ADGRB3: variants seen among roughly 807,000 people sequenced by gnomAD.
ADGRB3 encodes the protein brain-specific angiogenesis inhibitor 3.
A neutral mutation model predicts 193.4 loss-of-function variants in ADGRB3; 37 were observed. That is an observed-to-expected ratio of 0.19 (90% CI 0.15 to 0.25). ADGRB3 has a LOEUF of 0.25. Among genes scored for constraint, ADGRB3 ranks in the 10% least tolerant of loss-of-function variants. ADGRB3 has a pLI of 1.00. For missense variants in ADGRB3, 1,637 were observed against 1,852.9 expected (o/e 0.88, Z 2.14); for synonymous variants, 690 against 644.2 (o/e 1.07, Z -1.08).
intron 3 of ADGRB3, among the ~76,000 whole-genome samples, chr6:68,810,536 T>G (rs892356015): frequency 6.6e-6 from 1 of 152,202 alleles, no homozygotes; most frequent in African/African-American, 2.4e-5. Context: ...TGTCAGTAAC[T>G]TCTTTGAATC....
At chr6:68,744,874 C>T (rs1230791880) in intron 3 of ADGRB3, among the ~76,000 whole-genome samples, 3 of 151,984 alleles carry the variant, frequency 2.0e-5, no homozygotes, top group Middle Eastern at 3.2e-3. Context: ...TACCCCAGAA[C>T]TTGAAGTATA....
intron 3 of ADGRB3, among the ~76,000 whole-genome samples, chr6:68,869,848 G>A (rs1435530074): frequency 1.3e-5 from 2 of 152,144 alleles, no homozygotes; most frequent in Non-Finnish European, 2.9e-5. Flanking sequence ...GCACAATCTT[G>A]GCTTGCTGCA....
chr6:68,654,338 G>A (rs1768442252), intron 3 of ADGRB3, among the ~76,000 whole-genome samples: 1 of 151,954 alleles, frequency 6.6e-6, no homozygotes, highest in Non-Finnish European at 1.5e-5. Context: ...CTACGTGGCT[G>A]TGCCTTCCAT....
chr6:68,927,400 A>G (rs915885007), intron 3 of ADGRB3, among the ~76,000 whole-genome samples: 1 of 152,148 alleles, frequency 6.6e-6, no homozygotes, highest in Non-Finnish European at 1.5e-5. Flanking sequence ...CACATTCACC[A>G]CATAAAATAA....
At chr6:69,019,519 C>G (rs1164575407) in intron 13 of ADGRB3, among the ~76,000 whole-genome samples, 3 of 151,944 alleles carry the variant, frequency 2.0e-5, no homozygotes, top group African/African-American at 7.2e-5. Flanking sequence ...CCTGCAGAGA[C>G]TGATTTTATC....
intron 15 of ADGRB3, among the ~76,000 whole-genome samples, 182 bp from the exon 16 acceptor site, chr6:69,062,752 G>T (rs987725537): frequency 6.6e-6 from 1 of 151,822 alleles, no homozygotes; most frequent in African/African-American, 2.4e-5. Context: ...TTCTCCCTAA[G>T]TTTTCTGTTC....
At chr6:69,362,292 C>A (rs1401593661) in intron 29 of ADGRB3, among the ~76,000 whole-genome samples, 1 of 151,884 alleles carries the variant, frequency 6.6e-6, no homozygotes, top group African/African-American at 2.4e-5. Context: ...GCAATACATG[C>A]ATACTTTTAT....
intron 3 of ADGRB3, among the ~76,000 whole-genome samples, chr6:68,880,538 C>T (rs13201645): frequency 0.044 from 6,657 of 152,258 alleles, 184 homozygotes; most frequent in Middle Eastern, 0.088. Context: ...CCTATTCAAG[C>T]TTGCTGGATG....
At chr6:69,004,388 T>G (rs1358830987) in intron 11 of ADGRB3, among the ~76,000 whole-genome samples, 1 of 152,068 alleles carries the variant, frequency 6.6e-6, no homozygotes, top group Non-Finnish European at 1.5e-5. Flanking sequence ...TCTCTGTGTG[T>G]TCTAATATCC....
intron 11 of ADGRB3, among the ~76,000 whole-genome samples, chr6:69,003,383 A>G (rs549483868): frequency 6.6e-6 from 1 of 152,258 alleles, no homozygotes; most frequent in Non-Finnish European, 1.5e-5. Flanking sequence ...CAGGGAATGT[A>G]TCAGGGAAAA....
At chr6:68,883,308 CT>C (rs1765787443) in intron 3 of ADGRB3, among the ~76,000 whole-genome samples, 2 of 151,474 alleles carry the variant, frequency 1.3e-5, no homozygotes, top group South Asian at 4.1e-4. Flanking sequence ...AATCAGCTCT[CT>C]GTAAAATGGA....
At chr6:69,006,738 C>T (rs760184015) in intron 11 of ADGRB3, among the ~76,000 whole-genome samples, 7 of 151,922 alleles carry the variant, frequency 4.6e-5, no homozygotes, top group Non-Finnish European at 1.0e-4. Context: ...GAACTCCTGA[C>T]CTCAGGAGAT....
Position 69,233,411 on chromosome 6 carries a change from G to T in ADGRB3, c.2602G>T (p.Glu868Ter). 6.2e-7 allele frequency: 1 copy of T among 1,613,936 alleles called. No individual in the cohort carries two copies. The highest frequency in any genetic ancestry group is 8.5e-7 in the Non-Finnish European group (1 of 1,179,944). Reference protein sequence around the residue: ...TFAILAQQPREIIMESSGTPS... With the variant: ...TFAILAQQPR ...CGCCATTTTGGCTCAGCAACCTAGAGAAATAGTAAGTAACAAAGGGAAAAC... is the reference window on the plus strand; with the variant it reads ...CGCCATTTTGGCTCAGCAACCTAGATAAATAGTAAGTAACAAAGGGAAAAC... The change falls in exon 18 of 32, where the codon GAA becomes TAA. Residue 868 changes from glutamate to a stop codon, truncating the protein, a stop_gained. Transcript: ENST00000370598. LOFTEE classifies it high-confidence loss of function.
intron 3 of ADGRB3, among the ~76,000 whole-genome samples, chr6:68,866,554 A>G (rs1765302576): frequency 6.6e-6 from 1 of 152,236 alleles, no homozygotes; most frequent in African/African-American, 2.4e-5. Flanking sequence ...TGTGGAAGCG[A>G]CTTTGGAACT....
At chr6:69,039,265 AC>A (rs1334542719) in intron 13 of ADGRB3, among the ~76,000 whole-genome samples, 5 of 150,030 alleles carry the variant, frequency 3.3e-5, no homozygotes, top group African/African-American at 1.2e-4. Context: ...AAAAAAAAAA[AC>A]ATATGTTTAG....
At chr6:69,294,519 G>C (rs1207251965) in intron 20 of ADGRB3, among the ~76,000 whole-genome samples, 4 of 152,092 alleles carry the variant, frequency 2.6e-5, no homozygotes, top group African/African-American at 9.7e-5. Flanking sequence ...AGCCTTTGAT[G>C]GCAAGCTGCA....
intron 31 of ADGRB3, among the ~76,000 whole-genome samples, chr6:69,385,141 C>T (rs1051838472): frequency 4.0e-5 from 6 of 151,878 alleles, no homozygotes; most frequent in African/African-American, 1.2e-4. Context: ...GCACTGATAT[C>T]CAGAGAAGAA....
chr6:69,049,341 T>A lies in ADGRB3; in HGVS notation c.2328T>A (p.Thr776=). Residue 776 remains threonine (T), a synonymous_variant, in exon 15 of 32, where the codon ACT becomes ACA. Coordinates refer to ENST00000370598, the MANE Select transcript of ADGRB3 (RefSeq NM_001704.3). ...AAAACTTAGATCTAATTTTGCCCAC[T>A]TTGAGGTAAGCTACAAAGTAATAAA... ...LYKNLDLILP[T]LRNYTVINSK... The A allele has an allele frequency of 6.2e-7, 1 of 1,602,834 alleles. No individual in the cohort carries two copies. The highest frequency in any genetic ancestry group is 8.5e-7 in the Non-Finnish European group (1 of 1,172,008).
chr6:69,144,793 T>C (rs1044238358), intron 17 of ADGRB3, among the ~76,000 whole-genome samples: 4 of 152,218 alleles, frequency 2.6e-5, no homozygotes, highest in African/African-American at 7.2e-5. Context: ...TTTAATGTGT[T>C]GTTGAATTCA....
Sources: allele counts gnomAD v4.1 joint callset (sites outside exome capture counted in the v4.1 genomes callset), GRCh38; gene constraint gnomAD v4.1.1; transcripts MANE v1.5; gene names NCBI Gene and HGNC (gene_info 2026-07-23, HGNC 2026-07-21).